NREP: variants seen among roughly 807,000 people sequenced by gnomAD.
NREP encodes the protein neuronal regeneration related protein, also known as neuronal regeneration-related protein.
NREP carries 5 observed loss-of-function variants against 8.6 expected under a neutral mutation model. That is an observed-to-expected ratio of 0.58 (90% CI 0.30 to 1.22). The LOEUF (loss-of-function observed/expected upper bound fraction) is 1.22. NREP is among the 50% of genes most tolerant of loss of function. The pLI, the probability that NREP is intolerant of heterozygous loss-of-function variation, is 0.07. For synonymous variants in NREP, 27 were observed against 28.0 expected (o/e 0.96, Z 0.11); for missense variants, 86 against 82.5 (o/e 1.04, Z -0.17).
chr5:111,952,570 A>G (rs1336542358), intron 2 of NREP, among the ~76,000 whole-genome samples: 4 of 152,134 alleles, frequency 2.6e-5, no homozygotes, highest in Non-Finnish European at 5.9e-5. Flanking sequence ...ACGTAGCTGG[A>G]GATAGCAATA....
intron 2 of NREP, among the ~76,000 whole-genome samples, chr5:111,792,689 G>C (rs1366065095): frequency 6.6e-6 from 1 of 152,076 alleles, no homozygotes; most frequent in Non-Finnish European, 1.5e-5. Context: ...AATGATTTTG[G>C]CAATCTTTGA....
intron 2 of NREP, among the ~76,000 whole-genome samples, chr5:111,831,508 C>G (rs1417452392): frequency 6.6e-6 from 1 of 152,124 alleles, no homozygotes; most frequent in Admixed American, 6.5e-5. Context: ...TTCTCATCAT[C>G]CACAGGCATC....
intron 2 of NREP, among the ~76,000 whole-genome samples, chr5:111,868,035 AAG>A (rs1338179731): frequency 6.6e-6 from 1 of 152,152 alleles, no homozygotes; most frequent in African/African-American, 2.4e-5. Flanking sequence ...AAGTTCAAGA[AAG>A]AAAGTTATAA....
At chr5:111,734,746 C>G (rs1417022184) in intron 3 of NREP, 6 of 699,526 alleles carry the variant, frequency 8.6e-6, no homozygotes. Flanking sequence ...TTCTTAACTG[C>G]AAAATCAGCA....
chr5:111,929,964 T>C lies in NREP; in HGVS notation c.135+45310A>G, dbSNP rs1388397092. Among the ~76,000 whole-genome samples the C allele has an allele frequency of 2.6e-5, 4 of 152,160 alleles. 1 individual carries two copies. Among genetic ancestry groups the C allele is most frequent in the Admixed American group, 2.6e-4 (4 of 15,274 alleles). ...TTTCCTTTATATTCCCCTGAATTTG[T>C]CTGCAGGCAATTGTCCAGTAATTCT... On this transcript the variant is annotated intron_variant, in intron 2 of 3. Transcript: ENST00000395634.
chr5:111,969,811 T>C (rs1756752329), intron 2 of NREP, among the ~76,000 whole-genome samples: 1 of 152,176 alleles, frequency 6.6e-6, no homozygotes, highest in Non-Finnish European at 1.5e-5. Flanking sequence ...CTTGAGATTC[T>C]ACAGCTTGAG....
intron 2 of NREP, among the ~76,000 whole-genome samples, chr5:111,778,552 GT>G: frequency 6.6e-6 from 1 of 152,098 alleles, no homozygotes; most frequent in Non-Finnish European, 1.5e-5. Flanking sequence ...TTTACATGGA[GT>G]CAAAGTCCTT....
intron 2 of NREP, among the ~76,000 whole-genome samples, chr5:111,768,857 T>C (rs1581103018): frequency 6.6e-6 from 1 of 152,218 alleles, no homozygotes; most frequent in East Asian, 1.9e-4. Context: ...GAACCATTTG[T>C]TTCCTTTCAG....
intron 2 of NREP, among the ~76,000 whole-genome samples, chr5:111,902,175 G>A (rs1377901945): frequency 2.0e-5 from 3 of 151,894 alleles, no homozygotes; most frequent in Admixed American, 2.0e-4. Flanking sequence ...TTTCAACAAA[G>A]ACACCAAGAA....
chr5:111,903,410 CAT>C (rs1428768943), intron 2 of NREP, among the ~76,000 whole-genome samples: 1 of 151,978 alleles, frequency 6.6e-6, no homozygotes, highest in East Asian at 1.9e-4. Context: ...GAAGTTTCAT[CAT>C]ATATGATGAG....
intron 2 of NREP, among the ~76,000 whole-genome samples, chr5:111,841,400 G>C (rs1359055758): frequency 2.0e-5 from 3 of 152,128 alleles, no homozygotes; most frequent in Non-Finnish European, 4.4e-5. Context: ...CAGAAATCAA[G>C]AGATAAGAGG....
At chr5:111,852,804 C>A (rs573646945) in intron 2 of NREP, among the ~76,000 whole-genome samples, 10 of 152,140 alleles carry the variant, frequency 6.6e-5, no homozygotes, top group African/African-American at 2.4e-4. Flanking sequence ...GACACTGGAA[C>A]ATGGACTCTG....
intron 2 of NREP, among the ~76,000 whole-genome samples, chr5:111,783,515 A>G (rs1751541733): frequency 6.6e-6 from 1 of 152,186 alleles, no homozygotes; most frequent in Non-Finnish European, 1.5e-5. Context: ...ATTATTTCTG[A>G]TCTCAAGGAG....
intron 2 of NREP, among the ~76,000 whole-genome samples, chr5:111,901,152 G>A (rs967985): frequency 0.21 from 32,553 of 152,006 alleles, 5,300 homozygotes; most frequent in African/African-American, 0.46. Flanking sequence ...AGATGATTAT[G>A]AAGTTTTGTC....
At chr5:111,756,174 TA>T (rs1750690522) in intron 1 of NREP, 1 of 1,040,370 alleles carries the variant, frequency 9.6e-7, no homozygotes, top group Admixed American at 4.8e-5. Context: ...TTCCCAGACA[TA>T]CTACTGGCAG....
intron 2 of NREP, among the ~76,000 whole-genome samples, chr5:111,745,094 G>A (rs1418553265): frequency 1.3e-5 from 2 of 152,200 alleles, no homozygotes; most frequent in Middle Eastern, 3.4e-3. Flanking sequence ...TTAACTTTGG[G>A]CAGGTTTTCC....
At position 111,971,387 on chromosome 5, in the gene NREP, A is replaced by G. The variant is rs556704157; in HGVS notation, c.135+3887T>C. Among the ~76,000 whole-genome samples the G allele has an allele frequency of 4.2e-4, 64 of 152,300 alleles. 1 individual carries two copies. Among genetic ancestry groups the G allele is most frequent in the African/African-American group, 1.5e-3 (62 of 41,560 alleles). The stretch of plus-strand genomic sequence containing the variant: ...AAAGCACAGAAGACCTTGAGTAGCC[A>G]GTCAATCTGTAGCAAAAAACAAAAA... On this transcript the variant is annotated intron_variant, in intron 2 of 3. Coordinates refer to the NREP transcript ENST00000395634.
chr5:111,796,333 A>G (rs1368311478), intron 2 of NREP, among the ~76,000 whole-genome samples: 1 of 152,136 alleles, frequency 6.6e-6, no homozygotes, highest in East Asian at 1.9e-4. Context: ...CCCAGCCATG[A>G]TAATCTGTCT....
chr5:111,959,110 T>A (rs896777543), intron 2 of NREP, among the ~76,000 whole-genome samples: 1 of 151,872 alleles, frequency 6.6e-6, no homozygotes, highest in African/African-American at 2.4e-5. Context: ...ATTAAAAGCA[T>A]GAGTTAGGGT....
Sources: gnomAD v4.1 joint callset for allele counts (sites outside exome capture counted in the v4.1 genomes callset) on GRCh38, gnomAD v4.1.1 for gene constraint, MANE v1.5 for transcripts, NCBI Gene and HGNC (gene_info 2026-07-23, HGNC 2026-07-21) for gene names.